HDX: variants seen among roughly 807,000 people sequenced by gnomAD.
HDX encodes chromosome X open reading frame 43.
In HDX, 19 loss-of-function variants were observed where a neutral mutation model predicts 45.2. The observed-to-expected ratio is 0.42, with a 90% CI of 0.29 to 0.62. The LOEUF is 0.62. HDX is among the 20% of genes least tolerant of loss of function. The pLI is 0.20. For missense variants in HDX, 532 were observed against 493.9 expected, an observed-to-expected ratio of 1.08 and a Z score of -0.73; for synonymous variants, 188 against 172.8, an observed-to-expected ratio of 1.09 and a Z score of -0.69.
intron 4 of HDX, among the ~76,000 whole-genome samples, chrX:84,461,119 A>G (rs1199019449): frequency 9.0e-6 from 1 of 111,566 alleles, no homozygotes; most frequent in Non-Finnish European, 1.9e-5. Flanking sequence ...TATAGATTCA[A>G]TTCAATCCCC....
chrX:84,319,178 T>C lies in HDX; in HGVS notation c.*2711A>G, dbSNP rs998640290. ...GTTTTTTGTTTTTTTCCACATTGGC[T>C]TCTGTCTCCCTGAGAGAGCCTTCAG... On this transcript the variant is annotated 3_prime_UTR_variant, in exon 11 of 11. Transcript: ENST00000373177. 8.1e-5 allele frequency: 9 copies of C among 110,431 alleles called. No individual in the cohort carries two copies. The highest frequency in any genetic ancestry group is 1.7e-4 in the Non-Finnish European group (9 of 52,364). The allele number at this position is 110,431 out of a possible 1,213,427, so 9.1% of individuals were successfully genotyped here.
At chrX:84,398,487 A>G (rs1051943368) in intron 5 of HDX, among the ~76,000 whole-genome samples, 1 of 112,231 alleles carries the variant, frequency 8.9e-6, no homozygotes, top group Non-Finnish European at 1.9e-5. Flanking sequence ...AAGGCATTAC[A>G]TAATGGTAAA....
At chrX:84,420,490 TC>T (rs1280620315) in intron 5 of HDX, among the ~76,000 whole-genome samples, 1 of 110,547 alleles carries the variant, frequency 9.0e-6, no homozygotes, top group Non-Finnish European at 1.9e-5. Flanking sequence ...ATATATGGGA[TC>T]AAAAAATAGT....
At chrX:84,456,942 C>A (rs1177264983) in intron 4 of HDX, among the ~76,000 whole-genome samples, 2 of 111,025 alleles carry the variant, frequency 1.8e-5, no homozygotes, top group Non-Finnish European at 3.8e-5. Context: ...CTTTGACAAC[C>A]TACTTTCAGC....
At chrX:84,413,196 G>T (rs1306393265) in intron 5 of HDX, among the ~76,000 whole-genome samples, 1 of 111,955 alleles carries the variant, frequency 8.9e-6, no homozygotes, top group East Asian at 2.8e-4. Context: ...GAGAACTATT[G>T]AGGCATTTTA....
chrX:84,373,306 G>A (rs2037947400), intron 5 of HDX, among the ~76,000 whole-genome samples: 1 of 111,034 alleles, frequency 9.0e-6, no homozygotes, highest in Non-Finnish European at 1.9e-5. Context: ...GTTAGGGAAT[G>A]TGGGTAGGCA....
intron 6 of HDX, among the ~76,000 whole-genome samples, chrX:84,348,579 C>T (rs1286432364): frequency 4.5e-5 from 5 of 111,216 alleles, no homozygotes; most frequent in South Asian, 3.7e-4. Flanking sequence ...AAAAGTTGAA[C>T]GTGATGTACT....
chrX:84,423,500 A>AAG (rs1556015248), intron 5 of HDX, among the ~76,000 whole-genome samples: 199 of 99,382 alleles, frequency 2.0e-3, no homozygotes, highest in African/African-American at 6.5e-3. Context: ...AAAAAAAAAA[A>AAG]AGAGAGAGAG....
intron 7 of HDX, among the ~76,000 whole-genome samples, chrX:84,337,807 T>G (rs990355636): frequency 7.2e-5 from 8 of 111,368 alleles, no homozygotes; most frequent in African/African-American, 2.6e-4. Flanking sequence ...GTGAAAGAAA[T>G]AAATTAATTC....
At chrX:84,481,572 T>G (rs750629716) in intron 2 of HDX, among the ~76,000 whole-genome samples, 7 of 111,705 alleles carry the variant, frequency 6.3e-5, no homozygotes, top group Admixed American at 9.5e-5. Flanking sequence ...GTTTTCTGCC[T>G]TCTGTCAATT....
chrX:84,439,183 G>A (rs964577798), intron 5 of HDX, among the ~76,000 whole-genome samples: 1 of 111,022 alleles, frequency 9.0e-6, no homozygotes, highest in African/African-American at 3.3e-5. Flanking sequence ...TTTCATGTTT[G>A]TTGGCCTCTT....
intron 5 of HDX, among the ~76,000 whole-genome samples, chrX:84,401,915 G>A (rs989302854): frequency 4.5e-5 from 5 of 111,956 alleles, no homozygotes; most frequent in South Asian, 3.8e-4. Context: ...GAAGCTGGAA[G>A]CCATCACCCT....
chrX:84,349,723 C>T, intron 6 of HDX, among the ~76,000 whole-genome samples: 1 of 103,601 alleles, frequency 9.7e-6, no homozygotes, highest in African/African-American at 3.5e-5. Context: ...CCATAGAATA[C>T]TACTCAGTCT....
chrX:84,413,074 T>A (rs868460095), intron 5 of HDX, among the ~76,000 whole-genome samples: 3 of 111,873 alleles, frequency 2.7e-5, no homozygotes, highest in Non-Finnish European at 5.6e-5. Context: ...CTTAAATTCC[T>A]CAGATTGGGT....
At chrX:84,373,904 G>C (rs1178285411) in intron 5 of HDX, among the ~76,000 whole-genome samples, 1 of 109,697 alleles carries the variant, frequency 9.1e-6, no homozygotes, top group African/African-American at 3.3e-5. Flanking sequence ...GGAAGTTCTG[G>C]CCAGGGCAAT....
chrX:84,478,166 G>A (rs894799101), intron 2 of HDX, among the ~76,000 whole-genome samples: 1 of 111,662 alleles, frequency 9.0e-6, no homozygotes, highest in African/African-American at 3.3e-5. Context: ...TATATTTTTA[G>A]TACAACTAGG....
intron 5 of HDX, among the ~76,000 whole-genome samples, chrX:84,387,250 G>C (rs1270840276): frequency 1.8e-5 from 2 of 111,940 alleles, no homozygotes; most frequent in East Asian, 5.6e-4. Flanking sequence ...CTTGCTTTAT[G>C]TCTGAGCATG....
At chrX:84,476,136 TG>T (rs1306320689) in intron 2 of HDX, among the ~76,000 whole-genome samples, 1 of 111,755 alleles carries the variant, frequency 8.9e-6, no homozygotes, top group Non-Finnish European at 1.9e-5. Context: ...TTATCTTTTC[TG>T]CCAGTAGACA....
intron 8 of HDX, among the ~76,000 whole-genome samples, chrX:84,334,703 A>G (rs1263479727): frequency 3.7e-5 from 4 of 108,871 alleles, no homozygotes; most frequent in African/African-American, 1.3e-4. Context: ...AAGTAAAATC[A>G]GCTCTAATTT....
Sources: gnomAD v4.1 joint callset for allele counts (sites outside exome capture counted in the v4.1 genomes callset) on GRCh38, gnomAD v4.1.1 for gene constraint, MANE v1.5 for transcripts, NCBI Gene and HGNC (gene_info 2026-07-23, HGNC 2026-07-21) for gene names.